Variants in CD69 observed in about 807,000 individuals in gnomAD.
CD69 encodes CD69 molecule.
Under a neutral mutation model 21.4 loss-of-function variants are expected in CD69, and 10 were observed. The observed-to-expected ratio is 0.47, with a 90% confidence interval of 0.29 to 0.79. The LOEUF (loss-of-function observed/expected upper bound fraction) is 0.79. Ranked by LOEUF, CD69 falls within the 30% of genes least tolerant of loss-of-function variation. The pLI is 0.09. For synonymous variants in CD69, 63 were observed against 78.2 expected (o/e 0.81, Z 1.03); for missense variants, 204 against 236.9 (o/e 0.86, Z 0.91).
In CD69 at chr12:9,752,558, A is replaced by C. The variant is rs1251934016; in HGVS notation, c.*923T>G. ...TTGTACTGAACACAAAATACAAACA[A>C]ATACATTTTATTGCACATAAAAATA... On this transcript the variant is annotated 3_prime_UTR_variant, in exon 5 of 5. Coordinates refer to ENST00000228434, the MANE Select transcript of CD69 (RefSeq NM_001781.2). 6.6e-6 allele frequency: 1 copy of C among 152,618 alleles called. No individual in the cohort carries two copies. The highest frequency in any genetic ancestry group is 2.4e-5 in the African/African-American group (1 of 41,462). 9.5% of individuals were successfully genotyped at this position (152,618 alleles called of 1,614,324 possible). A position where few individuals can be genotyped will look rare whatever the true frequency, so the allele number is the denominator to read the frequency against.
At position 9,753,570 on chromosome 12, in the gene CD69, C is replaced by A; in HGVS notation, c.511G>T (p.Asp171Tyr). 1 of 1,565,924 alleles carries A rather than the reference C, an allele frequency of 6.4e-7. No individual in the cohort carries two copies. Among genetic ancestry groups the A allele is most frequent in the South Asian group, 1.1e-5 (1 of 88,324 alleles). Residue 171 changes from aspartate to tyrosine, a missense_variant, in exon 5 of 5, where the codon GAC becomes TAC. By Grantham distance (160) the Asp-to-Tyr change is radical. Coordinates refer to ENST00000228434, the MANE Select transcript of CD69 (RefSeq NM_001781.2). The part of the protein sequence containing the change: ...FNNWFNVTGS[D>Y]KCVFLKNTEV... ...GTGTTTTTCAGAAAAACACACTTGT[C>A]AGACCCTGTAACGTTGAACCTGTCA...
chr12:9,756,241 G>A (rs1866678043), intron 2 of CD69, 56 bp downstream of exon 2: 1 of 1,512,916 alleles, frequency 6.6e-7, no homozygotes, highest in Non-Finnish European at 9.0e-7. Flanking sequence ...ATTTCAGCTG[G>A]GCATGAATGC....
chr12:9,755,013 T>C (rs1305978624), intron 3 of CD69, 49 bp downstream of exon 3: 3 of 1,431,170 alleles, frequency 2.1e-6, no homozygotes. Context: ...AAGCACTGAT[T>C]AGCCATATGA....
At chr12:9,759,549 G>C (rs903212014) in intron 1 of CD69, among the ~76,000 whole-genome samples, 2 of 150,700 alleles carry the variant, frequency 1.3e-5, no homozygotes, top group Non-Finnish European at 3.0e-5. Context: ...GTAATGGCTC[G>C]CCTGATTACC....
At position 9,755,127 on chromosome 12, in the gene CD69, A is replaced by C. The variant is rs753752547; in HGVS notation, c.322T>G (p.Ser108Ala). 65 of 1,614,024 alleles carry C rather than the reference A, an allele frequency of 4.0e-5. No homozygotes were observed. In the Admixed American group the frequency reaches 1.0e-3, roughly 26 times the overall value. Residue 108 changes from serine to alanine, a missense_variant, in exon 3 of 5, where the codon TCA becomes GCA. Coordinates refer to ENST00000228434, the MANE Select transcript of CD69 (RefSeq NM_001781.2). ...TGTTCAGAACAAGCATTTTGGGCTG[A>C]AGTCCAGCTCCTCTTCACAGTAGAA... ...FISTVKRSWT[S>A]AQNACSEHGA...
chr12:9,756,840 C>T (rs1480689836), intron 1 of CD69, among the ~76,000 whole-genome samples: 3 of 151,994 alleles, frequency 2.0e-5, no homozygotes, highest in Admixed American at 6.6e-5. Context: ...TTTGGGAGGC[C>T]GAGGTGAGTG....
rs1565488524 is a variant in CD69, at chr12:9,753,469, C to T, written c.*12G>A. 3.6e-6 allele frequency: 4 copies of T among 1,101,190 alleles called. No individual in the cohort carries two copies. Among genetic ancestry groups the T allele is most frequent in the Non-Finnish European group, 4.2e-6 (3 of 720,998 alleles). 68.2% of individuals were successfully genotyped at this position (1,101,190 alleles called of 1,614,324 possible). ...CATTCTATAATAGTCAATAAGTGAA[C>T]ATGTTTCCTTATTATTTGTAAGGTT... On this transcript the variant is annotated 3_prime_UTR_variant, in exon 5 of 5. Transcript: ENST00000228434.
intron 1 of CD69, among the ~76,000 whole-genome samples, chr12:9,757,639 GA>G (rs1006040911): frequency 9.9e-5 from 15 of 152,022 alleles, no homozygotes; most frequent in Admixed American, 9.2e-4. Context: ...AATGTTGAGT[GA>G]AAAAAAATCC....
Position 9,753,395 on chromosome 12 carries a change from G to T in CD69, c.*86C>A. ...TTTTTTTCACAAAGTCTCTATGGAA[G>T]ACTTCGGACCACAGAGCAGCATCCA... On this transcript the variant is annotated 3_prime_UTR_variant, in exon 5 of 5. Coordinates refer to ENST00000228434, the MANE Select transcript of CD69 (RefSeq NM_001781.2). The T allele has an allele frequency of 1.8e-6, 1 of 550,624 alleles. No homozygotes were observed. 34.1% of individuals were successfully genotyped at this position (550,624 alleles called of 1,614,324 possible).
intron 1 of CD69, among the ~76,000 whole-genome samples, chr12:9,760,527 G>C (rs1301169760): frequency 2.0e-5 from 3 of 152,072 alleles, no homozygotes; most frequent in African/African-American, 4.8e-5. Flanking sequence ...TCTTCTTATA[G>C]ATAAAAAGGG....
In CD69 at chr12:9,756,361, G is replaced by A. The variant is rs1591728062; in HGVS notation, c.123C>T (p.Val41=). The change falls in exon 2 of 5, where the codon GTC becomes GTT. Residue 41 remains valine, a synonymous_variant. Coordinates refer to ENST00000228434, the MANE Select transcript of CD69 (RefSeq NM_001781.2). The part of the protein sequence containing the change: ...TRHEGSFQVP[V]LCAVMNVVFI... ...AGACCACATTCATTACAGCACACAG[G>A]ACAGGAACTTGGAAGGACCCTTCAT... is the stretch of plus-strand genomic sequence containing the variant. 1.1e-5 allele frequency: 18 copies of A among 1,613,486 alleles called. No homozygotes were observed. Among genetic ancestry groups the A allele is most frequent in the Non-Finnish European group, 1.5e-5 (18 of 1,179,470 alleles).
chr12:9,758,866 C>G (rs1257804450), intron 1 of CD69, among the ~76,000 whole-genome samples: 1 of 152,160 alleles, frequency 6.6e-6, no homozygotes, highest in Non-Finnish European at 1.5e-5. Context: ...ATCGGCTCAA[C>G]GAGGGAGTAA....
chr12:9,759,217 T>C (rs932930777), intron 1 of CD69, among the ~76,000 whole-genome samples: 1 of 152,076 alleles, frequency 6.6e-6, no homozygotes, highest in Non-Finnish European at 1.5e-5. Flanking sequence ...TTGAGGGCTA[T>C]TGTTACCCAC....
At chr12:9,755,917 A>T (rs1866675338) in intron 2 of CD69, 1 of 154,202 alleles carries the variant, frequency 6.5e-6, no homozygotes, top group African/African-American at 2.4e-5. Flanking sequence ...CTTCCTGATT[A>T]ATCTATGGCT....
At position 9,753,239 on chromosome 12, in the gene CD69, G is replaced by A; in HGVS notation, c.*242C>T. On this transcript the variant is annotated 3_prime_UTR_variant, in exon 5 of 5. Transcript: ENST00000228434. ...GCATAGTCATTCTTCTCATTCTTGG[G>A]CATGGTTATTGGTCAACCTGTGATG... 1 of 285,966 alleles carries A rather than the reference G, an allele frequency of 3.5e-6. No homozygotes were observed. The highest frequency in any genetic ancestry group is 1.3e-4 in the South Asian group (1 of 7,810). 17.7% of individuals were successfully genotyped at this position (285,966 alleles called of 1,614,324 possible).
chr12:9,759,131 G>T (rs949263828), intron 1 of CD69, among the ~76,000 whole-genome samples: 1 of 152,028 alleles, frequency 6.6e-6, no homozygotes, highest in Non-Finnish European at 1.5e-5. Context: ...GGGTTTCATC[G>T]TGTTAGCCAG....
intron 1 of CD69, among the ~76,000 whole-genome samples, chr12:9,758,067 T>TTA (rs969933826): frequency 2.0e-5 from 3 of 151,738 alleles, no homozygotes; most frequent in Non-Finnish European, 2.9e-5. Context: ...AAAGCCTTTT[T>TTA]TTTTCCCAAC....
Position 9,757,421 on chromosome 12 carries a change from A to G in CD69, c.65-1002T>C, listed in dbSNP as rs777660376. On this transcript the variant is annotated intron_variant, in intron 1 of 4. Coordinates refer to ENST00000228434, the MANE Select transcript of CD69 (RefSeq NM_001781.2). ...ACCTACTCCTATGTATATCCTCAAG[A>G]AAAATGAAAATATGTTCTCAAAATG... is the stretch of plus-strand genomic sequence containing the variant. Among the ~76,000 whole-genome samples the G allele has an allele frequency of 7.9e-5, 12 of 152,318 alleles. No individual in the cohort carries two copies. The South Asian group carries it at 2.5e-3, about 32-fold the overall frequency.
At chr12:9,754,802 T>C (rs1866664947) in intron 3 of CD69, 112 bp from the exon 4 acceptor site, 2 of 783,822 alleles carry the variant, frequency 2.6e-6, no homozygotes, top group Non-Finnish European at 4.5e-6. Flanking sequence ...TATCTGACCA[T>C]GTACTCATTC....
Sources: gnomAD v4.1 joint callset for allele counts (sites outside exome capture counted in the v4.1 genomes callset) on GRCh38, gnomAD v4.1.1 for gene constraint, MANE v1.5 for transcripts, NCBI Gene and HGNC (gene_info 2026-07-23, HGNC 2026-07-21) for gene names.